Variants in TSPAN9 observed in about 807,000 individuals in gnomAD.
TSPAN9 encodes tetraspanin-9.
A neutral mutation model predicts 31.0 loss-of-function variants in TSPAN9; 16 were observed. The ratio of observed to expected loss-of-function variants is 0.52; its 90% CI spans 0.35 to 0.78. TSPAN9 has a LOEUF of 0.78. TSPAN9 is among the 30% of genes least tolerant of loss of function. The probability of loss-of-function intolerance (pLI) is 0.01; values close to 1 mark genes in which losing one functional copy is unlikely to be tolerated. For synonymous variants in TSPAN9, 145 were observed against 121.6 expected (o/e 1.19, Z -1.27); for missense variants, 272 against 312.5 (o/e 0.87, Z 0.98).
At chr12:3,252,224 G>T (rs748700240) in intron 3 of TSPAN9, among the ~76,000 whole-genome samples, 2 of 152,200 alleles carry the variant, frequency 1.3e-5, no homozygotes, top group Non-Finnish European at 2.9e-5. Context: ...CAGTTCCTGT[G>T]GGGAATATGA....
At position 3,120,162 on chromosome 12, in the gene TSPAN9, T is replaced by C. The variant is rs190373193; in HGVS notation, c.-18+36443T>C. Among the ~76,000 whole-genome samples the C allele has an allele frequency of 2.6e-5, 4 of 152,358 alleles. No individual in the cohort carries two copies. The South Asian group carries it at 6.2e-4, about 24-fold the overall frequency. Reference sequence around the variant, plus strand: ...GCTGGTGTTAATTGGAAAGCTTTAATGTATGCTTTGGAATGAGTGGGAGGA... The same window carrying C: ...GCTGGTGTTAATTGGAAAGCTTTAACGTATGCTTTGGAATGAGTGGGAGGA... On this transcript the variant is annotated intron_variant, in intron 2 of 8. Transcript: ENST00000011898.
intron 2 of TSPAN9, among the ~76,000 whole-genome samples, chr12:3,115,048 A>G (rs879689910): frequency 6.6e-6 from 1 of 151,892 alleles, no homozygotes; most frequent in Non-Finnish European, 1.5e-5. Flanking sequence ...AAGAAACTCC[A>G]TTAGCAATCA....
intron 2 of TSPAN9, among the ~76,000 whole-genome samples, chr12:3,109,091 A>G (rs555837615): frequency 5.3e-5 from 8 of 151,742 alleles, no homozygotes; most frequent in South Asian, 2.1e-4. Context: ...ACTCGCCACC[A>G]CGCCCGGCTA....
intron 2 of TSPAN9, among the ~76,000 whole-genome samples, chr12:3,162,891 G>A (rs2098346185): frequency 6.6e-6 from 1 of 152,198 alleles, no homozygotes; most frequent in African/African-American, 2.4e-5. Context: ...GCCCCAGGCA[G>A]CCTATTGGAG....
At chr12:3,259,116 T>A (rs1344754312) in intron 3 of TSPAN9, among the ~76,000 whole-genome samples, 1 of 152,236 alleles carries the variant, frequency 6.6e-6, no homozygotes, top group Non-Finnish European at 1.5e-5. Context: ...CTGCTATCAT[T>A]TTCATTTTGT....
chr12:3,173,461 A>T (rs1444844524), intron 2 of TSPAN9: 3 of 152,244 alleles, frequency 2.0e-5, no homozygotes, highest in Admixed American at 1.3e-4. Flanking sequence ...CCATACTGGC[A>T]TTGTAGCACT....
chr12:3,157,774 C>G (rs1173575171), intron 2 of TSPAN9, among the ~76,000 whole-genome samples: 2 of 152,156 alleles, frequency 1.3e-5, no homozygotes, highest in African/African-American at 2.4e-5. Context: ...CTTCCCTGAT[C>G]AGGTGGGCGC....
chr12:3,218,362 C>T (rs775409994), intron 3 of TSPAN9, among the ~76,000 whole-genome samples: 9 of 152,178 alleles, frequency 5.9e-5, no homozygotes, highest in Non-Finnish European at 1.2e-4. Context: ...TAGGATGCTC[C>T]CTTGAGACTG....
chr12:3,279,455 T>C (rs1403248301), intron 5 of TSPAN9, among the ~76,000 whole-genome samples: 1 of 152,116 alleles, frequency 6.6e-6, no homozygotes, highest in Non-Finnish European at 1.5e-5. Flanking sequence ...GAGCAAACCA[T>C]GAAAAACAAG....
intron 3 of TSPAN9, among the ~76,000 whole-genome samples, chr12:3,203,499 G>T (rs980549224): frequency 6.6e-6 from 1 of 152,238 alleles, no homozygotes; most frequent in African/African-American, 2.4e-5. Context: ...TAATGAGCTA[G>T]TTGGTGGAAT....
At chr12:3,225,500 T>G (rs569116185) in intron 3 of TSPAN9, among the ~76,000 whole-genome samples, 12 of 152,080 alleles carry the variant, frequency 7.9e-5, no homozygotes, top group Non-Finnish European at 1.3e-4. Context: ...ACAGGAGTCA[T>G]GCACGTGCAG....
chr12:3,092,256 C>T (rs1293987610), intron 2 of TSPAN9, among the ~76,000 whole-genome samples: 5 of 152,146 alleles, frequency 3.3e-5, no homozygotes, highest in Non-Finnish European at 5.9e-5. Flanking sequence ...TCCACCCCTC[C>T]GTTACTTGTT....
chr12:3,167,373 G>A (rs1178877963), intron 2 of TSPAN9, among the ~76,000 whole-genome samples: 1 of 152,072 alleles, frequency 6.6e-6, no homozygotes, highest in Non-Finnish European at 1.5e-5. Context: ...AGGACACAGA[G>A]AGACTACGAC....
intron 3 of TSPAN9, among the ~76,000 whole-genome samples, chr12:3,241,774 C>T (rs1420642967): frequency 2.0e-5 from 3 of 152,170 alleles, no homozygotes; most frequent in African/African-American, 4.8e-5. Flanking sequence ...GGCGGCTGGG[C>T]ACAGCGAGCC....
At position 3,085,378 on chromosome 12, in the gene TSPAN9, A is replaced by C. The variant is rs535885095; in HGVS notation, c.-18+1659A>C. Among the ~76,000 whole-genome samples, 101 of 151,014 alleles carry C rather than the reference A, an allele frequency of 6.7e-4. 2 individuals are homozygous for C. In the South Asian group the frequency reaches 0.021, roughly 31 times the overall value. ...TGTATGGCCTTGGGGAGACACAGAT[A>C]GCCCCTGACGTCACCAGCCGTGTCT... is the stretch of plus-strand genomic sequence containing the variant. On this transcript the variant is annotated intron_variant, in intron 2 of 8. Coordinates refer to ENST00000011898, the MANE Select transcript of TSPAN9 (RefSeq NM_006675.5).
intron 2 of TSPAN9, among the ~76,000 whole-genome samples, chr12:3,098,966 T>A (rs1037918756): frequency 6.6e-6 from 1 of 152,184 alleles, no homozygotes; most frequent in Non-Finnish European, 1.5e-5. Context: ...TTGGCCAGGC[T>A]GGTCTCGAAC....
intron 3 of TSPAN9, among the ~76,000 whole-genome samples, chr12:3,218,837 T>TA (rs997589632): frequency 2.6e-5 from 4 of 151,860 alleles, no homozygotes; most frequent in East Asian, 1.9e-4. Context: ...TCTGGGTCAT[T>TA]AAAAAAAACA....
intron 3 of TSPAN9, among the ~76,000 whole-genome samples, chr12:3,235,192 A>C (rs2098392775): frequency 2.4e-5 from 1 of 41,360 alleles, no homozygotes; most frequent in Non-Finnish European, 4.2e-5. Flanking sequence ...CAAAAAAAAA[A>C]AAAAAAAAAA....
intron 3 of TSPAN9, among the ~76,000 whole-genome samples, chr12:3,227,985 A>G (rs2098388755): frequency 6.6e-6 from 1 of 152,214 alleles, no homozygotes; most frequent in African/African-American, 2.4e-5. Flanking sequence ...CAAGGAAATA[A>G]GAAAGGCAGC....
Sources: gnomAD v4.1 joint callset for allele counts (sites outside exome capture counted in the v4.1 genomes callset) on GRCh38, gnomAD v4.1.1 for gene constraint, MANE v1.5 for transcripts, NCBI Gene and HGNC (gene_info 2026-07-23, HGNC 2026-07-21) for gene names.